The following CDK14 variants were observed in gnomAD, a reference collection of about 807,000 sequenced individuals.
CDK14 encodes the protein cyclin-dependent kinase 14.
In CDK14, 34 loss-of-function variants were observed where a neutral mutation model predicts 60.7. That is an observed-to-expected ratio of 0.56 (90% CI 0.43 to 0.75). The LOEUF is 0.75. Ranked by LOEUF, CDK14 falls within the 30% of genes least tolerant of loss-of-function variation. The pLI is 0.00. For missense variants in CDK14, 482 were observed against 564.1 expected (o/e 0.85, Z 1.47); for synonymous variants, 197 against 203.7 (o/e 0.97, Z 0.28).
chr7:91,106,803 A>G (rs150416497), intron 12 of CDK14, among the ~76,000 whole-genome samples: 49 of 152,324 alleles, frequency 3.2e-4, no homozygotes, highest in African/African-American at 1.2e-3. Context: ...TACTAAGCCA[A>G]CCTACACCAA....
intron 3 of CDK14, among the ~76,000 whole-genome samples, chr7:90,733,115 A>C (rs77320782): frequency 0.16 from 23,806 of 152,058 alleles, 1,962 homozygotes; most frequent in South Asian, 0.18. Flanking sequence ...GTCATTCGGG[A>C]GCAGGTTGTT....
intron 5 of CDK14, among the ~76,000 whole-genome samples, chr7:90,809,706 A>C (rs1789010672): frequency 6.6e-6 from 1 of 152,208 alleles, no homozygotes; most frequent in African/African-American, 2.4e-5. Flanking sequence ...AGATCAACAA[A>C]ATTGATAGAC....
intron 11 of CDK14, among the ~76,000 whole-genome samples, chr7:91,068,610 A>G (rs940691078): frequency 4.0e-5 from 6 of 151,830 alleles, no homozygotes; most frequent in African/African-American, 1.5e-4. Flanking sequence ...TTTCTAACTC[A>G]CCAGCAGATC....
intron 5 of CDK14, among the ~76,000 whole-genome samples, chr7:90,820,717 G>A (rs553897217): frequency 6.6e-6 from 1 of 152,240 alleles, no homozygotes; most frequent in South Asian, 2.1e-4. Flanking sequence ...TCACCTCTTT[G>A]TGCTGATTTC....
chr7:90,824,141 A>G (rs1415089273), intron 5 of CDK14, among the ~76,000 whole-genome samples: 1 of 152,180 alleles, frequency 6.6e-6, no homozygotes, highest in Non-Finnish European at 1.5e-5. Flanking sequence ...TTAATTTTGG[A>G]AAATCAGTCA....
intron 14 of CDK14, among the ~76,000 whole-genome samples, chr7:91,149,832 C>T (rs1041952741): frequency 6.6e-6 from 1 of 152,196 alleles, no homozygotes; most frequent in Non-Finnish European, 1.5e-5. Context: ...TGTTTTCCCC[C>T]TCTCTTTACT....
intron 2 of CDK14, among the ~76,000 whole-genome samples, chr7:90,652,302 T>G (rs1469898789): frequency 6.6e-6 from 1 of 152,214 alleles, no homozygotes; most frequent in African/African-American, 2.4e-5. Context: ...GGAAGCATAA[T>G]TATATCAACT....
chr7:90,952,984 TTCTC>T (rs1794307012), intron 8 of CDK14, among the ~76,000 whole-genome samples: 1 of 152,168 alleles, frequency 6.6e-6, no homozygotes, highest in South Asian at 2.1e-4. Flanking sequence ...CAAAGTCTCT[TTCTC>T]TCCTCTTTTG....
At chr7:90,779,123 C>T (rs1354119169) in intron 4 of CDK14, among the ~76,000 whole-genome samples, 1 of 151,870 alleles carries the variant, frequency 6.6e-6, no homozygotes. Context: ...CGTGGTGGTG[C>T]ATACCTGTAA....
intron 14 of CDK14, among the ~76,000 whole-genome samples, chr7:91,150,515 TTCA>T (rs1341051558): frequency 2.0e-5 from 3 of 152,314 alleles, no homozygotes; most frequent in Admixed American, 1.3e-4. Context: ...TCTACATGTG[TTCA>T]CACACACCCA....
In CDK14 at chr7:90,639,232, C is replaced by T. The variant is rs574388174; in HGVS notation, c.123+34983C>T. On this transcript the variant is annotated intron_variant, in intron 2 of 14. Transcript: ENST00000380050. ...CTGCTTAGAGTTTCCAGTTTTTCTGCTCTGTTTTTTCCCCATCTTTGTGGT... is the reference window on the plus strand; with the variant it reads ...CTGCTTAGAGTTTCCAGTTTTTCTGTTCTGTTTTTTCCCCATCTTTGTGGT... Among the ~76,000 whole-genome samples, 17 of 152,198 alleles carry T rather than the reference C, an allele frequency of 1.1e-4. 1 individual carries two copies. Among genetic ancestry groups the T allele is most frequent in the African/African-American group, 3.9e-4 (16 of 41,524 alleles).
chr7:91,147,218 G>T (rs1800680682), intron 14 of CDK14, among the ~76,000 whole-genome samples: 1 of 145,446 alleles, frequency 6.9e-6, no homozygotes, highest in Non-Finnish European at 1.5e-5. Flanking sequence ...TTCTTCCCAT[G>T]GTTTTAGGTA....
At chr7:91,147,168 A>T (rs62470812) in intron 14 of CDK14, among the ~76,000 whole-genome samples, 65,666 of 94,664 alleles carry the variant, frequency 0.69, 22,777 homozygotes, top group East Asian at 0.83. Context: ...TCTCTCACAC[A>T]CACACACACA....
chr7:90,683,315 G>A (rs959992785), intron 2 of CDK14, among the ~76,000 whole-genome samples: 1 of 152,030 alleles, frequency 6.6e-6, no homozygotes, highest in African/African-American at 2.4e-5. Context: ...GATAATTTTG[G>A]TGCTCAGATT....
Position 90,899,337 on chromosome 7 carries a change from A to C in CDK14, c.686A>C (p.His229Pro). 1 of 1,599,990 alleles carries C rather than the reference A, an allele frequency of 6.3e-7. No homozygotes were observed. Among genetic ancestry groups the C allele is most frequent in the Middle Eastern group, 1.7e-4 (1 of 6,034 alleles). The change falls in exon 7 of 15, where the codon CAT becomes CCT. Residue 229 changes from histidine to proline, a missense_variant. Transcript: ENST00000380050. Reference sequence around the variant, plus strand: ...ATGGACAAGCACCCTGGGGGGCTGCATCCAGATAATGTGAAGGTAGGAAAA... The same window carrying C: ...ATGGACAAGCACCCTGGGGGGCTGCCTCCAGATAATGTGAAGGTAGGAAAA... Reference protein sequence around the residue: ...QYMDKHPGGLHPDNVKLFLFQ... With the variant: ...QYMDKHPGGLPPDNVKLFLFQ...
At chr7:91,183,016 C>T (rs896899637) in intron 14 of CDK14, among the ~76,000 whole-genome samples, 5 of 152,112 alleles carry the variant, frequency 3.3e-5, no homozygotes, top group African/African-American at 1.2e-4. Flanking sequence ...CTGAGAGTCG[C>T]GTTGCAAACT....
chr7:90,858,649 G>T (rs771565818), intron 5 of CDK14, among the ~76,000 whole-genome samples: 7 of 152,204 alleles, frequency 4.6e-5, no homozygotes, highest in African/African-American at 1.7e-4. Context: ...AAAAGTTCCC[G>T]TGCAGGCTAG....
At chr7:90,829,626 A>AG (rs1789846725) in intron 5 of CDK14, among the ~76,000 whole-genome samples, 1 of 151,980 alleles carries the variant, frequency 6.6e-6, no homozygotes, top group South Asian at 2.1e-4. Context: ...CCGCCCCCCC[A>AG]GGTTCAAGCA....
rs368401223 is a variant in CDK14 at position 91,042,103 on chromosome 7, C to G, written c.1042-3794C>G. ...GAAGGTCTTTCAGGAAAAAGTGACC[C>G]TTGTACTGAAGCTACAAATAGAGGT... On this transcript the variant is annotated intron_variant, in intron 10 of 14. Coordinates refer to ENST00000380050, the MANE Select transcript of CDK14 (RefSeq NM_001287135.2). Among the ~76,000 whole-genome samples the G allele has an allele frequency of 1.1e-4, 16 of 152,212 alleles. 1 individual carries two copies. Among genetic ancestry groups the G allele is most frequent in the Middle Eastern group, 3.4e-3 (1 of 294 alleles).
Sources: allele counts gnomAD v4.1 joint callset (sites outside exome capture counted in the v4.1 genomes callset), GRCh38; gene constraint gnomAD v4.1.1; transcripts MANE v1.5; gene names NCBI Gene and HGNC (gene_info 2026-07-23, HGNC 2026-07-21).